IGFBP7: variants seen among roughly 807,000 people sequenced by gnomAD.
IGFBP7 encodes the protein insulin like growth factor binding protein 7.
IGFBP7 carries 31 observed loss-of-function variants against 29.4 expected under a neutral mutation model. The observed-to-expected ratio is 1.05, with a 90% CI of 0.79 to 1.42. The LOEUF is 1.42. Among genes scored for constraint, IGFBP7 ranks in the 40% most tolerant of loss-of-function variants. The pLI is 0.00. For missense variants in IGFBP7, 393 were observed against 395.5 expected (o/e 0.99, Z 0.05); for synonymous variants, 172 against 174.9 (o/e 0.98, Z 0.13).
At chr4:57,080,224 A>G (rs899610669) in intron 1 of IGFBP7, among the ~76,000 whole-genome samples, 3 of 152,214 alleles carry the variant, frequency 2.0e-5, no homozygotes, top group Non-Finnish European at 4.4e-5. Flanking sequence ...TTTCAAAATA[A>G]CATACTTTAT....
Position 57,110,201 on chromosome 4 carries a change from C to T in IGFBP7, c.151G>A (p.Gly51Ser). The T allele has an allele frequency of 7.2e-7, 1 of 1,382,194 alleles. No individual in the cohort carries two copies. Among genetic ancestry groups the T allele is most frequent in the East Asian group, 3.1e-5 (1 of 32,618 alleles). The allele number at this position is 1,382,194 out of a possible 1,614,324, so 85.6% of individuals were successfully genotyped here. A position where few individuals can be genotyped will look rare whatever the true frequency, so the allele number is the denominator to read the frequency against. Residue 51 changes from glycine to serine, a missense_variant, in exon 1 of 5, where the codon GGC becomes AGC. By Grantham distance (56) the Gly-to-Ser change is moderately conservative. Transcript: ENST00000295666. ...PPLPPLGCLLGETRDACGCCP... is the reference protein window; with the variant it reads ...PPLPPLGCLLSETRDACGCCP... ...CAGCCGCACGCGTCGCGGGTCTCGC[C>T]CAGCAGGCAGCCCAGCGGGGGCAGG...
At chr4:57,088,492 A>T (rs1725551445) in intron 1 of IGFBP7, among the ~76,000 whole-genome samples, 1 of 152,084 alleles carries the variant, frequency 6.6e-6, no homozygotes. Context: ...CCTTCATCCC[A>T]TCTCTAGTTA....
intron 1 of IGFBP7, among the ~76,000 whole-genome samples, chr4:57,083,625 C>T (rs920128967): frequency 1.3e-5 from 2 of 152,202 alleles, no homozygotes; most frequent in Non-Finnish European, 2.9e-5. Context: ...ATACAGCATG[C>T]CACAAGGGCA....
chr4:57,072,866 A>T, intron 1 of IGFBP7: 1 of 644,586 alleles, frequency 1.6e-6, no homozygotes, highest in Non-Finnish European at 3.0e-6. Flanking sequence ...CTACCCTTAC[A>T]ATGTACCCAT....
chr4:57,098,939 A>T (rs937408362), intron 1 of IGFBP7, among the ~76,000 whole-genome samples: 1 of 152,182 alleles, frequency 6.6e-6, no homozygotes, highest in Non-Finnish European at 1.5e-5. Context: ...TACCCTAAAA[A>T]ATTCTTGAAG....
At chr4:57,065,239 A>G (rs1473705707) in intron 1 of IGFBP7, among the ~76,000 whole-genome samples, 1 of 152,176 alleles carries the variant, frequency 6.6e-6, no homozygotes, top group South Asian at 2.1e-4. Flanking sequence ...AAAACAAAGG[A>G]AAAAAAGTCC....
chr4:57,104,219 A>G (rs1473324373), intron 1 of IGFBP7, among the ~76,000 whole-genome samples: 2 of 152,046 alleles, frequency 1.3e-5, no homozygotes, highest in African/African-American at 4.8e-5. Context: ...ATTCTATTGT[A>G]TATATACAGT....
chr4:57,101,246 G>A (rs1725889204), intron 1 of IGFBP7, among the ~76,000 whole-genome samples: 1 of 152,218 alleles, frequency 6.6e-6, no homozygotes, highest in African/African-American at 2.4e-5. Context: ...AGCCTGCTTT[G>A]AACCTGTCGG....
intron 1 of IGFBP7, among the ~76,000 whole-genome samples, chr4:57,105,904 T>A (rs978840190): frequency 2.1e-5 from 2 of 96,106 alleles, no homozygotes; most frequent in East Asian, 3.2e-4. Flanking sequence ...GCCCATTTTT[T>A]AAATTTTTTT....
At chr4:57,073,975 T>C (rs556449656) in intron 1 of IGFBP7, among the ~76,000 whole-genome samples, 12 of 152,344 alleles carry the variant, frequency 7.9e-5, no homozygotes, top group African/African-American at 2.9e-4. Context: ...ACCCAGCCAC[T>C]GTCCTGGCAC....
At chr4:57,069,244 T>C (rs1724997420) in intron 1 of IGFBP7, among the ~76,000 whole-genome samples, 1 of 152,024 alleles carries the variant, frequency 6.6e-6, no homozygotes, top group Admixed American at 6.6e-5. Context: ...TGACTGCCCA[T>C]TTGGGGTCTT....
At chr4:57,103,562 CTATTTAACATATGCAT>C (rs1336034098) in intron 1 of IGFBP7, among the ~76,000 whole-genome samples, 1 of 150,970 alleles carries the variant, frequency 6.6e-6, no homozygotes, top group African/African-American at 2.4e-5. Flanking sequence ...CTAAATCAGG[CTATTTAACATATGCAT>C]TACCTCATAC....
At position 57,068,739 on chromosome 4, in the gene IGFBP7, AG is replaced by A. The variant is rs1447411883; in HGVS notation, c.476-27807del. Among the ~76,000 whole-genome samples the A allele has an allele frequency of 2.0e-5, 3 of 152,356 alleles. No individual in the cohort carries two copies. The East Asian group carries it at 5.8e-4, about 29-fold the overall frequency. On this transcript the variant is annotated intron_variant, in intron 1 of 4. Transcript: ENST00000295666. ...GTAAACCAAGAATGGGATTAGTTGA[AG>A]GCACCGAGGGAAGTGAAAGGAAACC...
chr4:57,082,426 T>C (rs1291343724), intron 1 of IGFBP7, among the ~76,000 whole-genome samples: 1 of 152,126 alleles, frequency 6.6e-6, no homozygotes, highest in Non-Finnish European at 1.5e-5. Flanking sequence ...TACAGGGAAG[T>C]GGTTAGGGAA....
At position 57,110,185 on chromosome 4, in the gene IGFBP7, G is replaced by T. The variant is rs942974010; in HGVS notation, c.167C>A (p.Ala56Glu). ...LGCLLGETRD[A>E]CGCCPMCARG... is the part of the protein sequence containing the mutation. ...GGCGCACATAGGGCAGCAGCCGCAC[G>T]CGTCGCGGGTCTCGCCCAGCAGGCA... The change falls in exon 1 of 5, where the codon GCG (alanine) becomes GAG (glutamate). Residue 56 changes from alanine to glutamate, a missense_variant. Ala to Glu is a moderately radical substitution (Grantham distance 107). Transcript: ENST00000295666. The T allele has an allele frequency of 5.8e-6, 8 of 1,390,368 alleles. No individual in the cohort carries two copies. The highest frequency in any genetic ancestry group is 6.1e-5 in the East Asian group (2 of 32,830). 86.1% of individuals were successfully genotyped at this position (1,390,368 alleles called of 1,614,324 possible). A position where few individuals can be genotyped will look rare whatever the true frequency, so the allele number is the denominator to read the frequency against.
intron 1 of IGFBP7, among the ~76,000 whole-genome samples, chr4:57,078,330 C>G (rs186113215): frequency 1.5e-4 from 23 of 152,230 alleles, no homozygotes; most frequent in African/African-American, 5.1e-4. Context: ...AATGATAGAG[C>G]TGGGATTAAA....
Position 57,096,640 on chromosome 4 carries a change from T to A in IGFBP7, c.475+13237A>T, listed in dbSNP as rs528547944. On this transcript the variant is annotated intron_variant, in intron 1 of 4. Coordinates refer to ENST00000295666, the MANE Select transcript of IGFBP7 (RefSeq NM_001553.3). ...TGGTGAGTCAGTAGTCCCAATGTTC[T>A]GCCAATTTCACTCAAGATTGCTGGC... is the stretch of plus-strand genomic sequence containing the variant. Among the ~76,000 whole-genome samples, 18 of 152,292 alleles carry A rather than the reference T, an allele frequency of 1.2e-4. No individual in the cohort carries two copies. In the South Asian group the frequency reaches 3.3e-3, roughly 28 times the overall value.
intron 1 of IGFBP7, among the ~76,000 whole-genome samples, chr4:57,094,890 G>A (rs1301023803): frequency 1.3e-5 from 2 of 152,234 alleles, no homozygotes; most frequent in Non-Finnish European, 2.9e-5. Flanking sequence ...CATGCACAGA[G>A]CAGCAAACAT....
chr4:57,073,024 T>C, intron 1 of IGFBP7: 1 of 1,161,530 alleles, frequency 8.6e-7, no homozygotes. Flanking sequence ...AACCCAACAT[T>C]GATAGCTCGT....
Sources: gnomAD v4.1 joint callset for allele counts (sites outside exome capture counted in the v4.1 genomes callset) on GRCh38, gnomAD v4.1.1 for gene constraint, MANE v1.5 for transcripts, NCBI Gene and HGNC (gene_info 2026-07-23, HGNC 2026-07-21) for gene names.